The following VWA8 variants were observed in gnomAD, a reference collection of about 807,000 sequenced individuals.
The protein encoded by VWA8 is von Willebrand factor A domain-containing protein 8.
A neutral mutation model predicts 241.5 loss-of-function variants in VWA8; 221 were observed. That is an observed-to-expected ratio of 0.91 (90% CI 0.82 to 1.02). The LOEUF (loss-of-function observed/expected upper bound fraction) is 1.02. Among genes scored for constraint, VWA8 ranks in the 50% least tolerant of loss-of-function variants. The pLI is 0.00. For missense variants in VWA8, 2,322 were observed against 2,328.7 expected (o/e 1.00, Z 0.06); for synonymous variants, 852 against 827.1 (o/e 1.03, Z -0.52).
chr13:41,818,341 G>T (rs924891855), intron 15 of VWA8, among the ~76,000 whole-genome samples: 3 of 150,902 alleles, frequency 2.0e-5, no homozygotes, highest in African/African-American at 7.3e-5. Context: ...GAGGCCAAGG[G>T]GGGGTGGATC....
At chr13:41,947,816 T>C (rs142785434) in intron 2 of VWA8, among the ~76,000 whole-genome samples, 268 of 151,622 alleles carry the variant, frequency 1.8e-3, no homozygotes, top group Non-Finnish European at 3.3e-3. Flanking sequence ...GCACCTATAG[T>C]CCCAGCTGCT....
chr13:41,781,101 T>C (rs1341656068), intron 19 of VWA8, among the ~76,000 whole-genome samples: 1 of 152,212 alleles, frequency 6.6e-6, no homozygotes, highest in African/African-American at 2.4e-5. Context: ...TAGACAATAC[T>C]AAAGAGTAAA....
intron 3 of VWA8, among the ~76,000 whole-genome samples, chr13:41,911,459 G>A (rs183421972): frequency 6.6e-6 from 1 of 152,282 alleles, no homozygotes; most frequent in Admixed American, 6.5e-5. Flanking sequence ...AGGACAACAT[G>A]TCAGAAAGGG....
chr13:41,600,122 T>C lies in VWA8; in HGVS notation c.4986+5046A>G, dbSNP rs139519097. On this transcript the variant is annotated intron_variant, in intron 40 of 44. Coordinates refer to ENST00000379310, the MANE Select transcript of VWA8 (RefSeq NM_015058.2). ...TTCTCAGGAAGGTTTTCAAGTTGTC[T>C]TTGAGAGGCGTCCCAACAAAGTATA... Among the ~76,000 whole-genome samples the C allele has an allele frequency of 2.6e-4, 40 of 152,296 alleles. No homozygotes were observed. In the East Asian group the frequency reaches 7.5e-3, roughly 29 times the overall value.
chr13:41,945,152 C>G (rs973474117), intron 2 of VWA8, among the ~76,000 whole-genome samples: 2 of 152,178 alleles, frequency 1.3e-5, no homozygotes, highest in African/African-American at 4.8e-5. Flanking sequence ...CACAGACTCT[C>G]AGCAAAAGCC....
At chr13:41,674,618 C>A (rs1287535556) in intron 36 of VWA8, among the ~76,000 whole-genome samples, 1 of 152,072 alleles carries the variant, frequency 6.6e-6, no homozygotes, top group African/African-American at 2.4e-5. Context: ...GGTGATGATG[C>A]CTGTGTTCTT....
At chr13:41,840,897 G>A (rs902882512) in intron 12 of VWA8, among the ~76,000 whole-genome samples, 1 of 152,084 alleles carries the variant, frequency 6.6e-6, no homozygotes, top group Non-Finnish European at 1.5e-5. Context: ...ACATGTTAAA[G>A]AGTTAAAAAT....
chr13:41,628,972 T>C (rs927058477), intron 37 of VWA8, among the ~76,000 whole-genome samples: 1 of 151,694 alleles, frequency 6.6e-6, no homozygotes, highest in African/African-American at 2.4e-5. Context: ...ACCCAGGAGG[T>C]GGAGGTTGCA....
chr13:41,586,998 G>A (rs2044422810), intron 42 of VWA8, among the ~76,000 whole-genome samples: 1 of 151,998 alleles, frequency 6.6e-6, no homozygotes, highest in Non-Finnish European at 1.5e-5. Flanking sequence ...TAAAATGGAG[G>A]GTGTGCAGCA....
Position 41,691,874 on chromosome 13 carries a change from C to T in VWA8, c.3740G>A (p.Gly1247Glu). 1.2e-6 allele frequency: 2 copies of T among 1,605,642 alleles called. No homozygotes were observed. The highest frequency in any genetic ancestry group is 2.2e-5 in the East Asian group (1 of 44,650). ...AAATCCTCTATAATAAAGAGCTCAC[C>T]CTTTTTCTTTGTAGAACACCAGCCA... Reference protein sequence around the residue: ...KNWLVFYKEKGNSLTVLDVLE... With the variant: ...KNWLVFYKEKENSLTVLDVLE... Residue 1247 changes from glycine to glutamate, a missense_variant and splice_region_variant, in exon 31 of 45, where the codon GGG becomes GAG. Coordinates refer to ENST00000379310, the MANE Select transcript of VWA8 (RefSeq NM_015058.2).
At chr13:41,700,280 A>G (rs1306427055) in intron 28 of VWA8, among the ~76,000 whole-genome samples, 2 of 151,818 alleles carry the variant, frequency 1.3e-5, no homozygotes, top group African/African-American at 4.8e-5. Context: ...TCTATTTATT[A>G]TATATAATGA....
chr13:41,726,807 C>A (rs1384043897), intron 24 of VWA8, among the ~76,000 whole-genome samples: 1 of 152,026 alleles, frequency 6.6e-6, no homozygotes, highest in Non-Finnish European at 1.5e-5. Context: ...CCAGCCTGGC[C>A]AACATGGTGA....
In VWA8 at chr13:41,669,162, A is replaced by G. The variant is rs558235827; in HGVS notation, c.4611+1784T>C. 4.6e-5 allele frequency among the ~76,000 whole-genome samples: 7 copies of G among 152,260 alleles called. No individual in the cohort carries two copies. In the East Asian group the frequency reaches 1.4e-3, roughly 29 times the overall value. On this transcript the variant is annotated intron_variant, in intron 37 of 44. Transcript: ENST00000379310. ...GCTGAACTTTAAACTGGAGACATAAAGTTACACATGTCCTGGAAAATGTTT... is the reference window on the plus strand; with the variant it reads ...GCTGAACTTTAAACTGGAGACATAAGGTTACACATGTCCTGGAAAATGTTT...
At chr13:41,766,753 G>C (rs1004882518) in intron 20 of VWA8, among the ~76,000 whole-genome samples, 2 of 152,024 alleles carry the variant, frequency 1.3e-5, no homozygotes, top group Non-Finnish European at 2.9e-5. Context: ...CCTCCTTTGG[G>C]TTCCTAAACC....
intron 17 of VWA8, among the ~76,000 whole-genome samples, chr13:41,807,131 T>G (rs565840710): frequency 1.3e-5 from 2 of 151,696 alleles, no homozygotes; most frequent in African/African-American, 4.8e-5. Context: ...CCTCTCAAGA[T>G]TGAACTACGA....
chr13:41,672,889 T>A (rs753097011), intron 36 of VWA8, among the ~76,000 whole-genome samples: 4 of 152,198 alleles, frequency 2.6e-5, no homozygotes, highest in African/African-American at 9.6e-5. Flanking sequence ...TTTGTAACTA[T>A]GTTGTTTGAA....
At chr13:41,751,219 T>C (rs2045653886) in intron 21 of VWA8, among the ~76,000 whole-genome samples, 1 of 152,046 alleles carries the variant, frequency 6.6e-6, no homozygotes, top group Non-Finnish European at 1.5e-5. Flanking sequence ...AAGATCTACA[T>C]GGAAAAGTAG....
chr13:41,570,065 C>A (rs571114846), intron 44 of VWA8, among the ~76,000 whole-genome samples: 108 of 152,150 alleles, frequency 7.1e-4, no homozygotes, highest in African/African-American at 2.4e-3. Context: ...GACATTCATA[C>A]ACACACACTA....
chr13:41,861,040 AT>A (rs1872978914), intron 12 of VWA8, among the ~76,000 whole-genome samples: 1 of 151,870 alleles, frequency 6.6e-6, no homozygotes. Flanking sequence ...GGAAATTAAT[AT>A]TTTTTTCTTC....
Sources: allele counts gnomAD v4.1 joint callset (sites outside exome capture counted in the v4.1 genomes callset), GRCh38; gene constraint gnomAD v4.1.1; transcripts MANE v1.5; gene names NCBI Gene and HGNC (gene_info 2026-07-23, HGNC 2026-07-21).